The following TNIK variants were observed in gnomAD, a reference collection of about 807,000 sequenced individuals.
TNIK encodes the protein TRAF2 and NCK-interacting protein kinase.
TNIK carries 49 observed loss-of-function variants against 191.3 expected under a neutral mutation model. That is an observed-to-expected ratio of 0.26 (90% CI 0.20 to 0.32). The LOEUF is 0.32. TNIK is among the 10% of genes least tolerant of loss of function. TNIK has a pLI of 1.00. For synonymous variants in TNIK, 594 were observed against 600.9 expected (o/e 0.99, Z 0.17); for missense variants, 1,155 against 1,702.3 (o/e 0.68, Z 5.66).
chr3:171,316,117 GCTTATCAC>G (rs887206052), intron 2 of TNIK, among the ~76,000 whole-genome samples: 10 of 152,052 alleles, frequency 6.6e-5, no homozygotes, highest in Admixed American at 6.6e-4. Flanking sequence ...TGGGTTTGGT[GCTTATCAC>G]CTTATCACCC....
chr3:171,235,804 C>T (rs1744196570), intron 2 of TNIK, among the ~76,000 whole-genome samples: 1 of 151,188 alleles, frequency 6.6e-6, no homozygotes. Context: ...TTTAGTATTC[C>T]ATGAAATCTG....
rs113348674 is a variant in TNIK at position 171,207,800 on chromosome 3, G to T, written c.306+3316C>A. On this transcript the variant is annotated intron_variant, in intron 4 of 32. Coordinates refer to ENST00000436636, the MANE Select transcript of TNIK (RefSeq NM_015028.4). ...TCCTGTTGAATCTGCAGGCCTCAGGGAATCTGAGCTCTCAAAAGTACCTGT... is the reference window on the plus strand; with the variant it reads ...TCCTGTTGAATCTGCAGGCCTCAGGTAATCTGAGCTCTCAAAAGTACCTGT... 5.2e-3 allele frequency among the ~76,000 whole-genome samples: 794 copies of T among 152,274 alleles called. 6 individuals are homozygous for T. The highest frequency in any genetic ancestry group is 0.013 in the Admixed American group (191 of 15,276).
chr3:171,348,242 G>T (rs548293580), intron 2 of TNIK, among the ~76,000 whole-genome samples: 1 of 152,288 alleles, frequency 6.6e-6, no homozygotes, highest in East Asian at 1.9e-4. Flanking sequence ...AAGTATTACA[G>T]CAGCAGGAAA....
intron 28 of TNIK, among the ~76,000 whole-genome samples, chr3:171,077,417 A>G (rs1346319486): frequency 6.6e-6 from 1 of 152,170 alleles, no homozygotes; most frequent in Non-Finnish European, 1.5e-5. Flanking sequence ...AATTTTTAAG[A>G]CAGGAGTAAA....
At chr3:171,384,059 C>T (rs756485533) in intron 1 of TNIK, among the ~76,000 whole-genome samples, 5 of 152,192 alleles carry the variant, frequency 3.3e-5, no homozygotes, top group Non-Finnish European at 7.3e-5. Context: ...TGTCCTTGTT[C>T]CCTTTTTGTT....
At chr3:171,389,666 T>C (rs1719208960) in intron 1 of TNIK, among the ~76,000 whole-genome samples, 1 of 152,182 alleles carries the variant, frequency 6.6e-6, no homozygotes, top group African/African-American at 2.4e-5. Context: ...CCACAGGAGA[T>C]TCTTTTAGGA....
At chr3:171,291,425 C>T (rs1751674456) in intron 2 of TNIK, among the ~76,000 whole-genome samples, 1 of 152,136 alleles carries the variant, frequency 6.6e-6, no homozygotes, top group South Asian at 2.1e-4. Context: ...TGCAGATCTG[C>T]TGATAGTGAG....
At chr3:171,105,849 C>T (rs1724749120) in intron 21 of TNIK, among the ~76,000 whole-genome samples, 1 of 152,202 alleles carries the variant, frequency 6.6e-6, no homozygotes, top group Non-Finnish European at 1.5e-5. Flanking sequence ...CAGAACTTCA[C>T]TGTCTTTCTT....
chr3:171,241,150 C>T (rs1322499496), intron 2 of TNIK, among the ~76,000 whole-genome samples: 2 of 152,008 alleles, frequency 1.3e-5, no homozygotes, highest in East Asian at 3.9e-4. Context: ...CCTGCCTCAG[C>T]CTCCCGAGTA....
intron 28 of TNIK, 130 bp downstream of exon 28, chr3:171,079,388 G>T: frequency 9.6e-7 from 1 of 1,044,244 alleles, no homozygotes; most frequent in Non-Finnish European, 1.3e-6. Flanking sequence ...TAATGCTGAA[G>T]GTTCCAGCAA....
rs138658087 is a variant in TNIK, at chr3:171,077,883, ACACT to A, written c.3448+1631_3448+1634del. Among the ~76,000 whole-genome samples, 1,249 of 152,084 alleles carry A rather than the reference ACACT, an allele frequency of 8.2e-3. 16 individuals are homozygous for A. Among genetic ancestry groups the A allele is most frequent in the African/African-American group, 0.028 (1,180 of 41,458 alleles). ...TATGTATATGTGTATACACATACAC[ACACT>A]CACACATATATATATATCTCCTTAA... On this transcript the variant is annotated intron_variant, in intron 28 of 32. Transcript: ENST00000436636.
chr3:171,106,663 G>T, intron 21 of TNIK: 1 of 532,354 alleles, frequency 1.9e-6, no homozygotes, highest in Non-Finnish European at 3.9e-6. Flanking sequence ...CACAGACAAG[G>T]AAATAAAGTC....
intron 4 of TNIK, 111 bp from the exon 5 acceptor site, chr3:171,194,746 G>A: frequency 2.4e-6 from 2 of 848,142 alleles, no homozygotes; most frequent in Non-Finnish European, 1.9e-6. Context: ...TTCCTGCAAA[G>A]AAAAAGTTAT....
chr3:171,452,773 T>C (rs1016792209), intron 1 of TNIK, among the ~76,000 whole-genome samples: 20 of 117,710 alleles, frequency 1.7e-4, no homozygotes, highest in East Asian at 2.7e-4. Context: ...CACACACACA[T>C]ACGCCTTGCA....
At chr3:171,411,889 T>C (rs1722474540) in intron 1 of TNIK, among the ~76,000 whole-genome samples, 1 of 152,164 alleles carries the variant, frequency 6.6e-6, no homozygotes, top group Non-Finnish European at 1.5e-5. Context: ...ACACAAAGGA[T>C]GGGGCGAGAA....
intron 1 of TNIK, among the ~76,000 whole-genome samples, chr3:171,447,146 G>A (rs915754049): frequency 2.0e-5 from 3 of 152,092 alleles, no homozygotes; most frequent in Middle Eastern, 3.4e-3. Context: ...AGCAGAGATC[G>A]CCCCACTGCA....
chr3:171,167,127 A>G lies in TNIK; in HGVS notation c.917T>C (p.Ile306Thr). The change falls in exon 10 of 33, where the codon ATT becomes ACT. Residue 306 changes from isoleucine (I) to threonine (T), a missense_variant. Physicochemically the swap from Ile to Thr is moderately conservative, Grantham distance 89 (BLOSUM62 -1). This residue lies in a region of TNIK where 225 missense variants were observed against 438.9 expected (regional missense o/e 0.51). Transcript: ENST00000436636. ...TCCTCGCTTCTTCTTTGTTCTATCAATATGGTCCTTGAGTTGAATGCGGAC... is the reference window on the plus strand; with the variant it reads ...TCCTCGCTTCTTCTTTGTTCTATCAGTATGGTCCTTGAGTTGAATGCGGAC... ...RQVRIQLKDH[I>T]DRTKKKRGEK... 6.2e-7 allele frequency: 1 copy of G among 1,613,594 alleles called. No individual in the cohort carries two copies. The highest frequency in any genetic ancestry group is 8.5e-7 in the Non-Finnish European group (1 of 1,179,764).
chr3:171,192,596 G>A (rs1738191763), intron 5 of TNIK, among the ~76,000 whole-genome samples: 1 of 152,242 alleles, frequency 6.6e-6, no homozygotes. Flanking sequence ...GAACCATGAA[G>A]ATTAGATCAA....
chr3:171,334,610 C>T (rs1193452805), intron 2 of TNIK, among the ~76,000 whole-genome samples: 8 of 152,116 alleles, frequency 5.3e-5, no homozygotes, highest in Admixed American at 4.6e-4. Flanking sequence ...TGGCTCATTC[C>T]GTTTTCCTTC....
Sources: allele counts gnomAD v4.1 joint callset (sites outside exome capture counted in the v4.1 genomes callset), GRCh38; gene constraint gnomAD v4.1.1; regional missense constraint gnomAD v4.1.1; transcripts MANE v1.5; gene names NCBI Gene and HGNC (gene_info 2026-07-23, HGNC 2026-07-21).